Variants in PLCH1 observed in about 807,000 individuals in gnomAD.
PLCH1 encodes the protein phospholipase C eta 1, also known as 1-phosphatidylinositol 4,5-bisphosphate phosphodiesterase eta-1.
In PLCH1, 60 loss-of-function variants were observed where a neutral mutation model predicts 126.7. The observed-to-expected ratio is 0.47, with a 90% CI of 0.38 to 0.59. The LOEUF (loss-of-function observed/expected upper bound fraction) is 0.59. Among genes scored for constraint, PLCH1 ranks in the 20% least tolerant of loss-of-function variants. The probability of loss-of-function intolerance (pLI) is 0.00; values close to 1 mark genes in which losing one functional copy is unlikely to be tolerated. For synonymous variants in PLCH1, 719 were observed against 734.9 expected (o/e 0.98, Z 0.35); for missense variants, 1,723 against 2,040.0 (o/e 0.84, Z 2.99).
At chr3:155,599,282 C>T (rs886680890) in intron 2 of PLCH1, among the ~76,000 whole-genome samples, 2 of 151,890 alleles carry the variant, frequency 1.3e-5, no homozygotes, top group African/African-American at 4.8e-5. Context: ...TACAGAAATA[C>T]TATGGGAGGC....
intron 1 of PLCH1, among the ~76,000 whole-genome samples, chr3:155,715,970 T>C (rs1197314653): frequency 2.0e-5 from 3 of 152,298 alleles, no homozygotes; most frequent in African/African-American, 7.2e-5. Flanking sequence ...CGTTTAACTG[T>C]TTTCAGGTTT....
chr3:155,534,152 G>A (rs772678798), intron 10 of PLCH1, among the ~76,000 whole-genome samples: 5 of 152,218 alleles, frequency 3.3e-5, no homozygotes, highest in Admixed American at 2.6e-4. Context: ...CTTGCACTGT[G>A]TGCCTGGAAA....
intron 6 of PLCH1, among the ~76,000 whole-genome samples, chr3:155,572,304 T>C (rs1217475312): frequency 6.6e-6 from 1 of 152,218 alleles, no homozygotes; most frequent in Non-Finnish European, 1.5e-5. Flanking sequence ...TTTGACAGTT[T>C]TTGGCAGAAA....
At chr3:155,586,971 C>A (rs1731458741) in intron 4 of PLCH1, among the ~76,000 whole-genome samples, 1 of 152,202 alleles carries the variant, frequency 6.6e-6, no homozygotes, top group Admixed American at 6.5e-5. Flanking sequence ...TTAATTCACA[C>A]CTCCAATAGC....
intron 2 of PLCH1, among the ~76,000 whole-genome samples, chr3:155,613,264 G>C (rs780169207): frequency 2.0e-5 from 3 of 152,062 alleles, no homozygotes; most frequent in Non-Finnish European, 2.9e-5. Context: ...TATTCCAAAA[G>C]ATAGAGAAAG....
At chr3:155,453,934 G>C (rs896888134) in intron 21 of PLCH1, among the ~76,000 whole-genome samples, 20 of 151,950 alleles carry the variant, frequency 1.3e-4, no homozygotes, top group African/African-American at 4.8e-4. Flanking sequence ...TTATGCATAA[G>C]TCAGAAAGGT....
At chr3:155,517,967 A>C (rs1232340953) in intron 11 of PLCH1, among the ~76,000 whole-genome samples, 1 of 152,240 alleles carries the variant, frequency 6.6e-6, no homozygotes, top group African/African-American at 2.4e-5. Flanking sequence ...CCCTTTATGC[A>C]TGGGAGATAC....
chr3:155,565,407 G>A (rs1205364944), intron 7 of PLCH1, among the ~76,000 whole-genome samples: 1 of 152,054 alleles, frequency 6.6e-6, no homozygotes, highest in Non-Finnish European at 1.5e-5. Context: ...GCTTGGTGCT[G>A]TCTTTGCAGT....
intron 21 of PLCH1, among the ~76,000 whole-genome samples, chr3:155,471,893 C>A (rs1199324898): frequency 6.6e-6 from 1 of 151,826 alleles, no homozygotes; most frequent in Non-Finnish European, 1.5e-5. Context: ...AACAAAGACA[C>A]AACATACCAG....
At chr3:155,651,926 T>C (rs1740751444) in intron 2 of PLCH1, among the ~76,000 whole-genome samples, 1 of 152,240 alleles carries the variant, frequency 6.6e-6, no homozygotes, top group Admixed American at 6.5e-5. Flanking sequence ...TTTCAAGTCC[T>C]AACTTCCTAG....
Position 155,514,706 on chromosome 3 carries a change from A to T in PLCH1, c.1632+17T>A. ...TTTTTTCCTGTTGAAGGATAAGTAC[A>T]AGAGGGAATCAGATACCTGCTTCAG... On this transcript the variant is annotated intron_variant, in intron 12 of 22. Coordinates refer to ENST00000460012, the MANE Select transcript of PLCH1 (RefSeq NM_014996.4). 2.0e-6 allele frequency: 3 copies of T among 1,501,430 alleles called. No individual in the cohort carries two copies. The highest frequency in any genetic ancestry group is 2.7e-6 in the Non-Finnish European group (3 of 1,114,340). The allele number at this position is 1,501,430 out of a possible 1,614,324, so 93.0% of individuals were successfully genotyped here.
At chr3:155,584,145 G>C (rs1190849933) in intron 5 of PLCH1, among the ~76,000 whole-genome samples, 2 of 151,782 alleles carry the variant, frequency 1.3e-5, no homozygotes, top group Non-Finnish European at 2.9e-5. Flanking sequence ...TAATAAAATA[G>C]AAAACAAACA....
At chr3:155,476,371 C>G (rs917686177), downstream of PLCH1, among the ~76,000 whole-genome samples, 10 of 152,038 alleles carry the variant, frequency 6.6e-5, no homozygotes, top group African/African-American at 2.4e-4. Flanking sequence ...AGCCTTTCCT[C>G]TAAGATCTGG....
chr3:155,699,206 G>T (rs1400822883), intron 2 of PLCH1, among the ~76,000 whole-genome samples: 1 of 151,718 alleles, frequency 6.6e-6, no homozygotes, highest in Non-Finnish European at 1.5e-5. Flanking sequence ...CTCCCAAGTA[G>T]CTGGGATTAC....
At chr3:155,582,227 G>A (rs1730810797) in intron 6 of PLCH1, among the ~76,000 whole-genome samples, 1 of 151,044 alleles carries the variant, frequency 6.6e-6, no homozygotes, top group Non-Finnish European at 1.5e-5. Flanking sequence ...AGATTACAGG[G>A]GTTCGCCACC....
intron 9 of PLCH1, among the ~76,000 whole-genome samples, chr3:155,553,782 T>C (rs939046199): frequency 6.6e-6 from 1 of 152,188 alleles, no homozygotes; most frequent in South Asian, 2.1e-4. Context: ...CCAGATTTTA[T>C]GGACACTCTA....
At chr3:155,466,475 A>C (rs1472583645) in intron 21 of PLCH1, among the ~76,000 whole-genome samples, 2 of 152,134 alleles carry the variant, frequency 1.3e-5, no homozygotes, top group South Asian at 2.1e-4. Flanking sequence ...AGATCACAAC[A>C]CTCAAATTCT....
intron 2 of PLCH1, among the ~76,000 whole-genome samples, chr3:155,692,592 G>A (rs747475069): frequency 2.6e-5 from 4 of 151,996 alleles, no homozygotes; most frequent in Non-Finnish European, 5.9e-5. Flanking sequence ...TGGTAGCTGG[G>A]CACTTACCAC....
chr3:155,497,008 G>C (rs1298034218), intron 15 of PLCH1, among the ~76,000 whole-genome samples: 1 of 152,218 alleles, frequency 6.6e-6, no homozygotes, highest in Non-Finnish European at 1.5e-5. Context: ...AGCCGGGCCT[G>C]GACTTCACAG....
Sources: allele counts gnomAD v4.1 joint callset (sites outside exome capture counted in the v4.1 genomes callset), GRCh38; gene constraint gnomAD v4.1.1; transcripts MANE v1.5; gene names NCBI Gene and HGNC (gene_info 2026-07-23, HGNC 2026-07-21).